CARMIL1: variants seen among roughly 807,000 people sequenced by gnomAD.
CARMIL1 encodes F-actin-uncapping protein LRRC16A.
CARMIL1 carries 90 observed loss-of-function variants against 177.1 expected under a neutral mutation model. The observed-to-expected ratio is 0.51, with a 90% CI of 0.43 to 0.61. CARMIL1 has a LOEUF of 0.61. Ranked by LOEUF, CARMIL1 falls within the 20% of genes least tolerant of loss-of-function variation. CARMIL1 has a pLI of 0.00. For missense variants in CARMIL1, 1,380 were observed against 1,667.0 expected (o/e 0.83, Z 3.00); for synonymous variants, 577 against 606.2 (o/e 0.95, Z 0.71).
chr6:25,385,123 A>G (rs1792021132), intron 2 of CARMIL1, among the ~76,000 whole-genome samples: 1 of 152,254 alleles, frequency 6.6e-6, no homozygotes, highest in Non-Finnish European at 1.5e-5. Flanking sequence ...AAGTGCAGCT[A>G]TAAAGTTATG....
chr6:25,310,169 G>T (rs1783678195), intron 2 of CARMIL1, among the ~76,000 whole-genome samples: 1 of 152,114 alleles, frequency 6.6e-6, no homozygotes, highest in Non-Finnish European at 1.5e-5. Flanking sequence ...AAGTTTTTGT[G>T]TGGGCATATG....
intron 2 of CARMIL1, among the ~76,000 whole-genome samples, chr6:25,348,935 G>A (rs192585841): frequency 7.2e-5 from 11 of 152,274 alleles, no homozygotes; most frequent in East Asian, 3.9e-4. Flanking sequence ...ACCATCACGC[G>A]TTTTAAAAAC....
chr6:25,306,387 C>T (rs74361492), intron 2 of CARMIL1, among the ~76,000 whole-genome samples: 1 of 152,064 alleles, frequency 6.6e-6, no homozygotes, highest in African/African-American at 2.4e-5. Flanking sequence ...TTACGAGAAC[C>T]CTGTTGTGAA....
At chr6:25,451,986 G>GCTCCCCCCCCCCCCCCCC in intron 8 of CARMIL1, 1 of 112,672 alleles carries the variant, frequency 8.9e-6, no homozygotes, top group East Asian at 2.0e-4. Context: ...CTAGCATCTT[G>GCTCCCCCCCCCCCCCCCC]CCCCCCCCTC....
At chr6:25,437,164 A>T (rs1202116388) in intron 5 of CARMIL1, among the ~76,000 whole-genome samples, 1 of 152,180 alleles carries the variant, frequency 6.6e-6, no homozygotes, top group African/African-American at 2.4e-5. Flanking sequence ...GACTTTGTAC[A>T]TGTGTTTCTT....
At chr6:25,307,906 A>C (rs1783405171) in intron 2 of CARMIL1, among the ~76,000 whole-genome samples, 1 of 152,168 alleles carries the variant, frequency 6.6e-6, no homozygotes, top group Non-Finnish European at 1.5e-5. Flanking sequence ...GATAACCAGA[A>C]TTTTTACCTC....
intron 26 of CARMIL1, among the ~76,000 whole-genome samples, chr6:25,543,975 C>T (rs1205287865): frequency 6.6e-6 from 1 of 151,982 alleles, no homozygotes; most frequent in Non-Finnish European, 1.5e-5. Flanking sequence ...AATATAGACC[C>T]TCATAACTGT....
Position 25,619,588 on chromosome 6 carries a change from C to G in CARMIL1, c.*5C>G. 1.2e-6 allele frequency: 2 copies of G among 1,612,864 alleles called. No homozygotes were observed. The highest frequency in any genetic ancestry group is 1.7e-6 in the Non-Finnish European group (2 of 1,179,378). On this transcript the variant is annotated 3_prime_UTR_variant, in exon 37 of 37. Transcript: ENST00000329474. ...AAAGAGTTTATTTTTGTGTAAAGGT[C>G]ACCCACGCAGAAGTCTTCCTGTGCA...
intron 29 of CARMIL1, among the ~76,000 whole-genome samples, chr6:25,573,290 A>G (rs1812270528): frequency 1.3e-5 from 2 of 152,114 alleles, no homozygotes; most frequent in Admixed American, 1.3e-4. Context: ...GCTGTCTATT[A>G]CATGAAAACC....
At chr6:25,416,824 A>G (rs1372833977) in intron 2 of CARMIL1, among the ~76,000 whole-genome samples, 1 of 152,160 alleles carries the variant, frequency 6.6e-6, no homozygotes, top group African/African-American at 2.4e-5. Context: ...GTCTTTGACA[A>G]TGTGATGTTG....
chr6:25,610,384 CAT>C (rs1184490345), intron 36 of CARMIL1, among the ~76,000 whole-genome samples: 3 of 152,070 alleles, frequency 2.0e-5, no homozygotes, highest in African/African-American at 7.2e-5. Context: ...ATCTTAATGA[CAT>C]ATGAAAAAAG....
chr6:25,491,791 A>T lies in CARMIL1; in HGVS notation c.1125A>T (p.Thr375=), dbSNP rs779045541. The T allele has an allele frequency of 1.3e-6, 2 of 1,599,790 alleles. No individual in the cohort carries two copies. Residue 375 remains threonine, a synonymous_variant, in exon 14 of 37, where the codon ACA becomes ACT. Transcript: ENST00000329474. ...NAIVHLDLSN[T]ECSLDMVCGA... is the part of the protein sequence containing the mutation. ...TTGTTCATCTGGATTTATCCAATACAGAATGTTCCCTGGACATGGTAAATT... is the reference window on the plus strand; with the variant it reads ...TTGTTCATCTGGATTTATCCAATACTGAATGTTCCCTGGACATGGTAAATT...
At chr6:25,363,589 A>G (rs781112847) in intron 2 of CARMIL1, among the ~76,000 whole-genome samples, 4 of 152,186 alleles carry the variant, frequency 2.6e-5, no homozygotes, top group Admixed American at 6.5e-5. Flanking sequence ...TGCCAGCTAC[A>G]TTGCTGAGCA....
chr6:25,596,485 G>C (rs1436844414), intron 32 of CARMIL1, among the ~76,000 whole-genome samples: 1 of 152,106 alleles, frequency 6.6e-6, no homozygotes, highest in East Asian at 1.9e-4. Context: ...ATTCCCCAGA[G>C]GCAACTAATT....
chr6:25,593,869 A>T (rs1814561457), intron 31 of CARMIL1, among the ~76,000 whole-genome samples: 1 of 152,204 alleles, frequency 6.6e-6, no homozygotes, highest in Admixed American at 6.5e-5. Flanking sequence ...TTAATCACAG[A>T]CAAGAGGAAG....
Position 25,515,865 on chromosome 6 carries a change from T to A in CARMIL1, c.1805+18T>A. On this transcript the variant is annotated intron_variant, in intron 21 of 36. Coordinates refer to ENST00000329474, the MANE Select transcript of CARMIL1 (RefSeq NM_017640.6). The surrounding 1 kb of genome is among the most constrained non-coding windows in gnomAD (Gnocchi z 5.0). ...AAGCTCAGGTAGGCAGATCCCACCC[T>A]CCCTGCTCATGAGGAAGGCTTGGAG... 1 of 1,580,584 alleles carries A rather than the reference T, an allele frequency of 6.3e-7. No homozygotes were observed. Among genetic ancestry groups the A allele is most frequent in the Non-Finnish European group, 8.6e-7 (1 of 1,163,148 alleles).
intron 2 of CARMIL1, among the ~76,000 whole-genome samples, chr6:25,410,094 C>T (rs1794778262): frequency 6.6e-6 from 1 of 150,984 alleles, no homozygotes; most frequent in African/African-American, 2.4e-5. Flanking sequence ...CGCCCCCCGC[C>T]GCCATATGGC....
intron 2 of CARMIL1, among the ~76,000 whole-genome samples, chr6:25,359,803 A>G (rs1788998559): frequency 1.3e-5 from 2 of 152,190 alleles, no homozygotes; most frequent in African/African-American, 4.8e-5. Context: ...CCCTTAGGGT[A>G]TTTGGGCCAA....
At chr6:25,356,505 A>G (rs1788632986) in intron 2 of CARMIL1, among the ~76,000 whole-genome samples, 1 of 152,236 alleles carries the variant, frequency 6.6e-6, no homozygotes, top group East Asian at 1.9e-4. Flanking sequence ...TGGGAGCAGC[A>G]AGGATTCTAG....
Sources: allele counts gnomAD v4.1 joint callset (sites outside exome capture counted in the v4.1 genomes callset), GRCh38; gene constraint gnomAD v4.1.1; non-coding constraint Gnocchi (gnomAD v3.1); transcripts MANE v1.5; gene names NCBI Gene and HGNC (gene_info 2026-07-23, HGNC 2026-07-21).